Variants in SLAIN2 observed in about 807,000 individuals in gnomAD.
SLAIN2 encodes the protein SLAIN motif-containing protein 2.
SLAIN2 carries 31 observed loss-of-function variants against 56.6 expected under a neutral mutation model. That is an observed-to-expected ratio of 0.55 (90% confidence interval 0.41 to 0.74). The LOEUF is 0.74. Ranked by LOEUF, SLAIN2 falls within the 30% of genes least tolerant of loss-of-function variation. The pLI is 0.00. For missense variants in SLAIN2, 777 were observed against 754.2 expected, an observed-to-expected ratio of 1.03 and a Z score of -0.35; for synonymous variants, 317 against 284.9, an observed-to-expected ratio of 1.11 and a Z score of -1.13.
chr4:48,411,481 T>G (rs190910573), intron 6 of SLAIN2, among the ~76,000 whole-genome samples: 1 of 152,240 alleles, frequency 6.6e-6, no homozygotes, highest in East Asian at 1.9e-4. Context: ...CCAACTTCAT[T>G]CTTTTGTACG....
chr4:48,373,230 G>A (rs562494588), intron 2 of SLAIN2, among the ~76,000 whole-genome samples: 3 of 152,256 alleles, frequency 2.0e-5, no homozygotes, highest in African/African-American at 7.2e-5. Flanking sequence ...CTGTGCAACT[G>A]TCACTATCAT....
At chr4:48,411,031 CT>C (rs2109784263) in intron 6 of SLAIN2, among the ~76,000 whole-genome samples, 1 of 152,242 alleles carries the variant, frequency 6.6e-6, no homozygotes, top group South Asian at 2.1e-4. Context: ...CTTAGGACCC[CT>C]GACCGTGAAT....
chr4:48,374,088 C>G (rs544738695), intron 2 of SLAIN2, among the ~76,000 whole-genome samples: 1 of 151,946 alleles, frequency 6.6e-6, no homozygotes, highest in South Asian at 2.1e-4. Flanking sequence ...AAGGCATGTG[C>G]AAAGGCTCCA....
At chr4:48,361,520 A>G (rs1715327623) in intron 1 of SLAIN2, among the ~76,000 whole-genome samples, 1 of 152,218 alleles carries the variant, frequency 6.6e-6, no homozygotes, top group South Asian at 2.1e-4. Context: ...TTTTTAGCAA[A>G]AGAATACTAA....
intron 1 of SLAIN2, among the ~76,000 whole-genome samples, chr4:48,350,847 G>T (rs952705865): frequency 5.3e-5 from 8 of 152,012 alleles, no homozygotes; most frequent in African/African-American, 1.7e-4. Context: ...AGACTTTAGA[G>T]AAAAAAATAT....
intron 2 of SLAIN2, among the ~76,000 whole-genome samples, chr4:48,376,328 G>T (rs988788793): frequency 6.6e-6 from 1 of 151,856 alleles, no homozygotes; most frequent in African/African-American, 2.4e-5. Flanking sequence ...GGTGGCACAT[G>T]CCTGTATTCC....
At chr4:48,344,970 A>T (rs1048881571) in intron 1 of SLAIN2, among the ~76,000 whole-genome samples, 1 of 152,226 alleles carries the variant, frequency 6.6e-6, no homozygotes, top group Non-Finnish European at 1.5e-5. Context: ...AGGGATGAGA[A>T]CTAACTTCGT....
intron 6 of SLAIN2, among the ~76,000 whole-genome samples, chr4:48,416,729 T>A (rs1407042949): frequency 6.7e-6 from 1 of 149,662 alleles, no homozygotes; most frequent in Non-Finnish European, 1.5e-5. Context: ...ACATGGAAAC[T>A]GAACAACCTG....
At position 48,413,413 on chromosome 4, in the gene SLAIN2, G is replaced by A. The variant is rs569006787; in HGVS notation, c.1361-6712G>A. ...TTTCCCTTATCCATGAAGTGAGAGG[G>A]TTAGAGTACATGGTCAGTAATAACT... On this transcript the variant is annotated intron_variant, in intron 6 of 7. Transcript: ENST00000264313. Among the ~76,000 whole-genome samples, 7 of 152,258 alleles carry A rather than the reference G, an allele frequency of 4.6e-5. No homozygotes were observed. In the South Asian group the frequency reaches 1.2e-3, roughly 27 times the overall value.
intron 1 of SLAIN2, among the ~76,000 whole-genome samples, chr4:48,354,531 A>G (rs553105944): frequency 1.3e-5 from 2 of 152,032 alleles, no homozygotes; most frequent in South Asian, 4.2e-4. Flanking sequence ...CAGTGGAGCA[A>G]TCTCAGCTCA....
intron 6 of SLAIN2, among the ~76,000 whole-genome samples, chr4:48,398,811 G>T (rs1399604469): frequency 2.0e-5 from 3 of 152,120 alleles, no homozygotes; most frequent in Non-Finnish European, 2.9e-5. Flanking sequence ...CTGTAGATGT[G>T]CAGTCTTATT....
intron 1 of SLAIN2, among the ~76,000 whole-genome samples, chr4:48,368,480 ATT>A (rs149474238): frequency 0.017 from 2,599 of 152,290 alleles, 72 homozygotes; most frequent in African/African-American, 0.06. Flanking sequence ...AAATATATAT[ATT>A]GAAAGAGTAG....
At chr4:48,415,439 A>T (rs1173688426) in intron 6 of SLAIN2, among the ~76,000 whole-genome samples, 2 of 55,468 alleles carry the variant, frequency 3.6e-5, no homozygotes, top group Non-Finnish European at 8.1e-5. Context: ...GTTTGAGTTC[A>T]TTGTAGATTC....
chr4:48,358,464 C>T (rs149788085), intron 1 of SLAIN2, among the ~76,000 whole-genome samples: 267 of 152,026 alleles, frequency 1.8e-3, no homozygotes, highest in African/African-American at 5.4e-3. Context: ...AAATTACAGG[C>T]GTGCACCACC....
intron 6 of SLAIN2, among the ~76,000 whole-genome samples, chr4:48,392,203 C>T (rs1243039349): frequency 1.3e-5 from 2 of 152,060 alleles, no homozygotes; most frequent in Admixed American, 1.3e-4. Context: ...TTAGGAAAAT[C>T]GTTCATTTCA....
At chr4:48,362,805 A>G (rs1418510653) in intron 1 of SLAIN2, among the ~76,000 whole-genome samples, 3 of 89,096 alleles carry the variant, frequency 3.4e-5, no homozygotes, top group Admixed American at 3.0e-4. Flanking sequence ...GGTGTTTCTC[A>G]CAGAGGGGGA....
chr4:48,370,310 G>A (rs753840712), intron 2 of SLAIN2, among the ~76,000 whole-genome samples: 3 of 152,082 alleles, frequency 2.0e-5, no homozygotes, highest in Non-Finnish European at 4.4e-5. Context: ...GTCTGGTATT[G>A]TATAAAATCC....
chr4:48,344,968 G>A (rs73246015), intron 1 of SLAIN2, among the ~76,000 whole-genome samples: 1,979 of 152,308 alleles, frequency 0.013, 32 homozygotes, highest in Non-Finnish European at 0.017. Flanking sequence ...TTAGGGATGA[G>A]AACTAACTTC....
intron 2 of SLAIN2, among the ~76,000 whole-genome samples, chr4:48,375,605 G>C (rs929474933): frequency 1.3e-5 from 2 of 151,346 alleles, no homozygotes; most frequent in African/African-American, 2.4e-5. Context: ...CATATCATAT[G>C]CTTGATCAAA....
Sources: gnomAD v4.1 joint callset for allele counts (sites outside exome capture counted in the v4.1 genomes callset) on GRCh38, gnomAD v4.1.1 for gene constraint, MANE v1.5 for transcripts, NCBI Gene and HGNC (gene_info 2026-07-23, HGNC 2026-07-21) for gene names.